WDR70: variants seen among roughly 807,000 people sequenced by gnomAD.
WDR70 encodes WD repeat-containing protein 70.
WDR70 carries 53 observed loss-of-function variants against 88.6 expected under a neutral mutation model. That is an observed-to-expected ratio of 0.60 (90% confidence interval 0.48 to 0.75). WDR70 has a LOEUF of 0.75. Among genes scored for constraint, WDR70 ranks in the 30% least tolerant of loss-of-function variants. The pLI, the probability that WDR70 is intolerant of heterozygous loss-of-function variation, is 0.00. For synonymous variants in WDR70, 280 were observed against 270.0 expected (o/e 1.04, Z -0.36); for missense variants, 610 against 823.2 (o/e 0.74, Z 3.17).
At chr5:37,642,543 A>G (rs1363533154) in intron 10 of WDR70, among the ~76,000 whole-genome samples, 2 of 152,164 alleles carry the variant, frequency 1.3e-5, no homozygotes, top group Non-Finnish European at 2.9e-5. Context: ...TCTTCATGTT[A>G]CAAACAAATC....
chr5:37,401,654 G>T (rs1420215002), intron 5 of WDR70, among the ~76,000 whole-genome samples: 5 of 152,140 alleles, frequency 3.3e-5, no homozygotes, highest in Admixed American at 2.0e-4. Context: ...AGAGGTGGGG[G>T]TCTCACCATC....
At chr5:37,389,296 CGAGA>C (rs1204605997) in intron 3 of WDR70, among the ~76,000 whole-genome samples, 12,094 of 140,356 alleles carry the variant, frequency 0.086, 2,316 homozygotes, top group African/African-American at 0.36. Flanking sequence ...TTTCACCTGT[CGAGA>C]CCAGGCTGGT....
intron 10 of WDR70, among the ~76,000 whole-genome samples, chr5:37,677,149 T>C (rs374113957): frequency 3.7e-4 from 56 of 152,222 alleles, no homozygotes; most frequent in African/African-American, 1.3e-3. Flanking sequence ...GTCTTGCTAG[T>C]GGTCTATCAA....
intron 10 of WDR70, among the ~76,000 whole-genome samples, chr5:37,655,713 T>G (rs1451737025): frequency 6.6e-6 from 1 of 151,922 alleles, no homozygotes. Context: ...TATCCTTTCT[T>G]CTGCTTGATC....
intron 10 of WDR70, among the ~76,000 whole-genome samples, chr5:37,687,719 A>T (rs914306752): frequency 3.9e-5 from 6 of 151,958 alleles, no homozygotes; most frequent in African/African-American, 1.4e-4. Context: ...TATCTACACT[A>T]TCACCTGTTA....
intron 7 of WDR70, among the ~76,000 whole-genome samples, chr5:37,464,786 G>A (rs1165574676): frequency 6.6e-6 from 1 of 152,226 alleles, no homozygotes; most frequent in Non-Finnish European, 1.5e-5. Flanking sequence ...TGACAGTGGA[G>A]CAAACTGCAC....
intron 7 of WDR70, among the ~76,000 whole-genome samples, chr5:37,469,013 C>T (rs906604941): frequency 2.6e-5 from 4 of 152,116 alleles, no homozygotes; most frequent in South Asian, 2.1e-4. Context: ...CCTATCCTCA[C>T]AGAACTTTGA....
chr5:37,570,215 A>G (rs776069539), intron 9 of WDR70, among the ~76,000 whole-genome samples: 12 of 152,168 alleles, frequency 7.9e-5, no homozygotes, highest in Non-Finnish European at 8.8e-5. Context: ...GTCTGACTCA[A>G]TGGTGAGTAT....
rs763387823 is a variant in WDR70, at chr5:37,701,104, A to G, written c.1239A>G (p.Pro413=). The change falls in exon 12 of 18, where the codon CCA becomes CCG. Residue 413 remains proline, a synonymous_variant. Coordinates refer to ENST00000265107, the MANE Select transcript of WDR70 (RefSeq NM_018034.4). Reference sequence around the variant, plus strand: ...GGGACATCCGACAATTTAATAAACCACTTTTTTCAGCCTCGGGTCTTCCCA... The same window carrying G: ...GGGACATCCGACAATTTAATAAACCGCTTTTTTCAGCCTCGGGTCTTCCCA... ...KLWDIRQFNK[P]LFSASGLPTM... is the part of the protein sequence containing the mutation. 22 of 1,612,528 alleles carry G rather than the reference A, an allele frequency of 1.4e-5. No individual in the cohort carries two copies. The highest frequency in any genetic ancestry group is 1.8e-5 in the Non-Finnish European group (21 of 1,178,968).
intron 17 of WDR70, among the ~76,000 whole-genome samples, chr5:37,749,806 AAT>A (rs1172766687): frequency 8.2e-5 from 12 of 146,762 alleles, no homozygotes; most frequent in African/African-American, 2.5e-4. Flanking sequence ...TTACTCAATG[AAT>A]TAACTGAGTT....
At chr5:37,619,917 GTTTTTTTTTTTTT>G (rs35802405) in intron 10 of WDR70, 1 of 120,092 alleles carries the variant, frequency 8.3e-6, no homozygotes, top group South Asian at 2.8e-4. Context: ...TATTTACCAG[GTTTTTTTTTTTTT>G]TTTTTTTTAG....
At chr5:37,417,521 G>T (rs945215419) in intron 5 of WDR70, among the ~76,000 whole-genome samples, 1 of 142,102 alleles carries the variant, frequency 7.0e-6, no homozygotes, top group African/African-American at 2.5e-5. Context: ...CACTGCACCC[G>T]GCCACCACCC....
At position 37,390,340 on chromosome 5, in the gene WDR70, A is replaced by T. The variant is rs1385841474; in HGVS notation, c.176-1660A>T. Among the ~76,000 whole-genome samples the T allele has an allele frequency of 6.5e-5, 9 of 138,190 alleles. No individual in the cohort carries two copies. The East Asian group carries it at 1.0e-3, about 16-fold the overall frequency. 90.7% of individuals were successfully genotyped at this position (138,190 alleles called of 152,430 possible). Reference sequence around the variant, plus strand: ...ATAGACAGAGCAGCCTATAATATAAATTTTTTTTTTTTTTTTGGAGACCGA... The same window carrying T: ...ATAGACAGAGCAGCCTATAATATAATTTTTTTTTTTTTTTTTGGAGACCGA... On this transcript the variant is annotated intron_variant, in intron 3 of 17. Transcript: ENST00000265107.
chr5:37,723,080 A>G, intron 15 of WDR70, 146 bp downstream of exon 15: 1 of 840,094 alleles, frequency 1.2e-6, no homozygotes, highest in Non-Finnish European at 1.9e-6. Flanking sequence ...ACTACGAGTC[A>G]TGTAACAGCT....
At chr5:37,500,716 CTTT>C (rs550821207) in intron 8 of WDR70, among the ~76,000 whole-genome samples, 6 of 63,270 alleles carry the variant, frequency 9.5e-5, no homozygotes, top group Non-Finnish European at 1.2e-4. Context: ...TATTTGTTGG[CTTT>C]TTTTTTTTTT....
At position 37,531,596 on chromosome 5, in the gene WDR70, T is replaced by TTC. The variant is rs1561891017; in HGVS notation, c.917+15007_917+15008insCT. On this transcript the variant is annotated intron_variant, in intron 9 of 17. Transcript: ENST00000265107. ...TTGCTTTAAAGTTTTTCTTTTTTTTTTTTTTTTTTTTGTCTGATATAAGAC... is the reference window on the plus strand; with the variant it reads ...TTGCTTTAAAGTTTTTCTTTTTTTTTTCTTTTTTTTTTTGTCTGATATAAGAC... Among the ~76,000 whole-genome samples, 4 of 148,998 alleles carry TTC rather than the reference T, an allele frequency of 2.7e-5. No individual in the cohort carries two copies. The East Asian group carries it at 5.8e-4, about 22-fold the overall frequency.
intron 17 of WDR70, among the ~76,000 whole-genome samples, chr5:37,727,770 C>G (rs1320613934): frequency 6.6e-6 from 1 of 152,136 alleles, no homozygotes; most frequent in East Asian, 1.9e-4. Context: ...GAGACAGTGT[C>G]TCACTCTGTT....
intron 10 of WDR70, among the ~76,000 whole-genome samples, chr5:37,680,105 G>A (rs147662596): frequency 4.0e-4 from 60 of 151,440 alleles, no homozygotes; most frequent in African/African-American, 1.4e-3. Context: ...GATGACACAT[G>A]GTATCTCATT....
intron 8 of WDR70, among the ~76,000 whole-genome samples, chr5:37,510,805 C>T (rs1740700571): frequency 6.6e-6 from 1 of 151,996 alleles, no homozygotes. Flanking sequence ...TTTATTTTTC[C>T]TTGACATTTT....
Sources: allele counts gnomAD v4.1 joint callset (sites outside exome capture counted in the v4.1 genomes callset), GRCh38; gene constraint gnomAD v4.1.1; transcripts MANE v1.5; gene names NCBI Gene and HGNC (gene_info 2026-07-23, HGNC 2026-07-21).